Variants in BCAS3 observed in about 807,000 individuals in gnomAD.
The protein encoded by BCAS3 is BCAS3 microtubule associated cell migration factor, also known as BCAS4/BCAS3 fusion.
BCAS3 carries 53 observed loss-of-function variants against 116.1 expected under a neutral mutation model. The observed-to-expected ratio is 0.46, with a 90% CI of 0.37 to 0.57. The LOEUF is 0.57. Ranked by LOEUF, BCAS3 falls within the 20% of genes least tolerant of loss-of-function variation. The pLI is 0.00. For synonymous variants in BCAS3, 391 were observed against 408.2 expected (o/e 0.96, Z 0.51); for missense variants, 917 against 1,165.4 (o/e 0.79, Z 3.10).
At position 61,368,178 on chromosome 17, in the gene BCAS3, C is replaced by T. The variant is rs1342811451; in HGVS notation, c.2426-149C>T. 6.7e-6 allele frequency: 5 copies of T among 750,746 alleles called. No individual in the cohort carries two copies. Among genetic ancestry groups the T allele is most frequent in the Middle Eastern group, 4.1e-4 (1 of 2,464 alleles). The allele number at this position is 750,746 out of a possible 1,614,324, so 46.5% of individuals were successfully genotyped here. A position where few individuals can be genotyped will look rare whatever the true frequency, so the allele number is the denominator to read the frequency against. ...TCAGCGGCATGAGCTATTTCTCCTG[C>T]GCTACCCAGTCTGTTGGCGGCGTGC... On this transcript the variant is annotated intron_variant, in intron 22 of 23. Coordinates refer to ENST00000407086, the MANE Select transcript of BCAS3 (RefSeq NM_017679.5). This position sits in a 1 kb window ranked among gnomAD's most constrained non-coding sequence, Gnocchi z 6.0.
chr17:61,161,553 CT>C lies in BCAS3; in HGVS notation c.2425+76997del, dbSNP rs1188733582. ...ATTGATCATGTGATTCTATCAGTAT[CT>C]TTTTTTTCTTTTATTTTGCCTCAGT... On this transcript the variant is annotated intron_variant, in intron 22 of 23. Transcript: ENST00000407086. The surrounding 1 kb of genome is among the most constrained non-coding windows in gnomAD (Gnocchi z 4.8). 4.6e-5 allele frequency among the ~76,000 whole-genome samples: 7 copies of C among 152,048 alleles called. No homozygotes were observed. The highest frequency in any genetic ancestry group is 2.1e-4 in the South Asian group (1 of 4,812).
intron 19 of BCAS3, among the ~76,000 whole-genome samples, chr17:61,062,859 G>C (rs551262577): frequency 1.6e-4 from 25 of 152,222 alleles, no homozygotes; most frequent in African/African-American, 5.8e-4. Flanking sequence ...GCAAAAAGAA[G>C]TCTGAAGGAG....
At chr17:60,959,786 A>G (rs942821991) in intron 14 of BCAS3, among the ~76,000 whole-genome samples, 3 of 152,232 alleles carry the variant, frequency 2.0e-5, no homozygotes, top group Non-Finnish European at 4.4e-5. Context: ...TTGGAGGGCA[A>G]AAATCTAAAA....
Position 61,045,935 on chromosome 17 carries a change from TATATATATTATATATATAA to T in BCAS3, c.2029+5052_2029+5070del, listed in dbSNP as rs1385292541. 1.7e-4 allele frequency among the ~76,000 whole-genome samples: 3 copies of T among 17,408 alleles called. 1 individual carries two copies. In the African/African-American group the frequency reaches 1.7e-3, roughly 10 times the overall value. The allele number at this position is 17,408 out of a possible 152,430, so 11.4% of individuals were successfully genotyped here. ...TATTTATATATATAATATATATAAA[TATATATATTATATATATAA>T]ATATATATATAATATATATATATTA... is the stretch of plus-strand genomic sequence containing the variant. On this transcript the variant is annotated intron_variant, in intron 19 of 23. Coordinates refer to ENST00000407086, the MANE Select transcript of BCAS3 (RefSeq NM_017679.5).
chr17:60,707,674 C>G (rs1008482807), intron 4 of BCAS3, among the ~76,000 whole-genome samples: 22 of 144,002 alleles, frequency 1.5e-4, no homozygotes, highest in African/African-American at 5.4e-4. Flanking sequence ...CATAGACATC[C>G]TTTATTCTTG....
rs765066563 is a variant in BCAS3 at position 61,352,328 on chromosome 17, G to A, written c.2426-15999G>A. 2.7e-4 allele frequency among the ~76,000 whole-genome samples: 41 copies of A among 152,288 alleles called. No individual in the cohort carries two copies. Among genetic ancestry groups the A allele is most frequent in the Non-Finnish European group, 4.9e-4 (33 of 68,016 alleles). ...CTTAGGCCCAAAGATAAAAAGATAGGTTTCTTTGCACACACAAACACACCC... is the reference window on the plus strand; with the variant it reads ...CTTAGGCCCAAAGATAAAAAGATAGATTTCTTTGCACACACAAACACACCC... On this transcript the variant is annotated intron_variant, in intron 22 of 23. Transcript: ENST00000407086. This position sits in a 1 kb window ranked among gnomAD's most constrained non-coding sequence, Gnocchi z 4.7.
At chr17:60,790,345 G>T (rs752935967) in intron 6 of BCAS3, among the ~76,000 whole-genome samples, 1 of 152,116 alleles carries the variant, frequency 6.6e-6, no homozygotes, top group African/African-American at 2.4e-5. Flanking sequence ...CATAATACAG[G>T]TACAAACTGT....
In BCAS3 at chr17:60,854,758, T is replaced by G. The variant is rs183114212; in HGVS notation, c.477-13818T>G. On this transcript the variant is annotated intron_variant, in intron 7 of 23. Coordinates refer to ENST00000407086, the MANE Select transcript of BCAS3 (RefSeq NM_017679.5). ...TTACACTGTTGGTGGGACGGTAAAC[T>G]AGTTCAGCCATTGTGATTAAGTTGA... 1.9e-3 allele frequency among the ~76,000 whole-genome samples: 287 copies of G among 152,248 alleles called. 1 individual carries two copies. Among genetic ancestry groups the G allele is most frequent in the South Asian group, 2.5e-3 (12 of 4,814 alleles).
chr17:60,947,483 G>T, intron 14 of BCAS3, 131 bp downstream of exon 14: 1 of 1,030,402 alleles, frequency 9.7e-7, no homozygotes, highest in Non-Finnish European at 1.3e-6. Flanking sequence ...GATAGAATGG[G>T]TTAGATAAAT....
intron 22 of BCAS3, among the ~76,000 whole-genome samples, chr17:61,345,036 G>T (rs1296029837): frequency 6.6e-6 from 1 of 152,154 alleles, no homozygotes; most frequent in Non-Finnish European, 1.5e-5. Context: ...ATCCGCCTGG[G>T]GCAGAGCTCG....
rs59281181 is a variant in BCAS3, at chr17:60,787,692, A to G, written c.404-20312A>G. ...TTCCAGAAACAACTTCCTGATTAAG[A>G]GATACTTTAGTAAAGACCCAGAAAA... is the stretch of plus-strand genomic sequence containing the variant. On this transcript the variant is annotated intron_variant, in intron 6 of 23. Transcript: ENST00000407086. Among the ~76,000 whole-genome samples the G allele has an allele frequency of 9.8e-3, 1,492 of 152,266 alleles. 22 individuals carry two copies. The highest frequency in any genetic ancestry group is 0.034 in the African/African-American group (1,417 of 41,530).
At chr17:61,061,270 A>G (rs114366050) in intron 19 of BCAS3, among the ~76,000 whole-genome samples, 33 of 152,272 alleles carry the variant, frequency 2.2e-4, no homozygotes, top group African/African-American at 7.5e-4. Context: ...CTGCATAATG[A>G]TGTGGATTTT....
At chr17:61,168,857 A>G (rs1295873147) in intron 22 of BCAS3, among the ~76,000 whole-genome samples, 1 of 152,196 alleles carries the variant, frequency 6.6e-6, no homozygotes, top group African/African-American at 2.4e-5. Flanking sequence ...GTCCTAGAGT[A>G]ACAGAAGGAT....
At position 61,276,348 on chromosome 17, in the gene BCAS3, A is replaced by G. The variant is rs1311575928; in HGVS notation, c.2426-91979A>G. On this transcript the variant is annotated intron_variant, in intron 22 of 23. Transcript: ENST00000407086. This position sits in a 1 kb window ranked among gnomAD's most constrained non-coding sequence, Gnocchi z 4.2. ...AGCCTGGGCTACAGGACGAGACTCC[A>G]TCTCAAAAACAAACAAACAAACAAA... is the stretch of plus-strand genomic sequence containing the variant. Among the ~76,000 whole-genome samples, 2 of 152,136 alleles carry G rather than the reference A, an allele frequency of 1.3e-5. No individual in the cohort carries two copies. Among genetic ancestry groups the G allele is most frequent in the African/African-American group, 4.8e-5 (2 of 41,420 alleles).
At chr17:61,374,684 T>C (rs1042552105) in intron 23 of BCAS3, among the ~76,000 whole-genome samples, 2 of 152,248 alleles carry the variant, frequency 1.3e-5, no homozygotes, top group Non-Finnish European at 2.9e-5. Flanking sequence ...GATAACATAG[T>C]GGGCTCAGTC....
rs1434117518 is a variant in BCAS3, at chr17:61,323,841, T to G, written c.2426-44486T>G. ...GAAGCAGGCAGCCCTGGCTTATCCA[T>G]GGCCCCCTGGCCCCTGTGTGGGTTC... On this transcript the variant is annotated intron_variant, in intron 22 of 23. Coordinates refer to ENST00000407086, the MANE Select transcript of BCAS3 (RefSeq NM_017679.5). The surrounding 1 kb of genome is among the most constrained non-coding windows in gnomAD (Gnocchi z 4.6). Among the ~76,000 whole-genome samples the G allele has an allele frequency of 2.0e-5, 3 of 152,378 alleles. No individual in the cohort carries two copies. The highest frequency in any genetic ancestry group is 6.5e-5 in the Admixed American group (1 of 15,306).
intron 19 of BCAS3, among the ~76,000 whole-genome samples, chr17:61,047,620 A>T (rs2068469273): frequency 6.6e-6 from 1 of 152,040 alleles, no homozygotes; most frequent in African/African-American, 2.4e-5. Flanking sequence ...TTGCCTTCCA[A>T]CACAGGCATT....
chr17:60,700,651 G>C (rs2036263608), intron 4 of BCAS3, among the ~76,000 whole-genome samples: 2 of 152,232 alleles, frequency 1.3e-5, no homozygotes, highest in Non-Finnish European at 2.9e-5. Context: ...CTCCAGCAGA[G>C]AGAATGGTGA....
chr17:60,746,875 T>G (rs2042051479), intron 5 of BCAS3, among the ~76,000 whole-genome samples: 1 of 152,176 alleles, frequency 6.6e-6, no homozygotes, highest in Non-Finnish European at 1.5e-5. Context: ...AGTATTACAG[T>G]TGTTTTGTTC....
Sources: allele counts gnomAD v4.1 joint callset (sites outside exome capture counted in the v4.1 genomes callset), GRCh38; gene constraint gnomAD v4.1.1; non-coding constraint Gnocchi (gnomAD v3.1); transcripts MANE v1.5; gene names NCBI Gene and HGNC (gene_info 2026-07-23, HGNC 2026-07-21).